Variants in NPAS3 observed in about 807,000 individuals in gnomAD.
The protein encoded by NPAS3 is neuronal PAS domain-containing protein 3.
Under a neutral mutation model 73.1 loss-of-function variants are expected in NPAS3, and 14 were observed. The ratio of observed to expected loss-of-function variants is 0.19; its 90% CI spans 0.13 to 0.30. The LOEUF is 0.30. Ranked by LOEUF, NPAS3 falls within the 10% of genes least tolerant of loss-of-function variation. The pLI is 1.00. For synonymous variants in NPAS3, 620 were observed against 541.5 expected, an observed-to-expected ratio of 1.14 and a Z score of -2.01; for missense variants, 1,096 against 1,250.0, an observed-to-expected ratio of 0.88 and a Z score of 1.86.
chr14:33,328,527 C>T (rs1292449774), intron 3 of NPAS3, among the ~76,000 whole-genome samples: 2 of 116,118 alleles, frequency 1.7e-5, no homozygotes, highest in African/African-American at 3.4e-5. Context: ...AGTGCAGTGG[C>T]GCGATCTTGG....
At chr14:33,021,299 A>G (rs1217837867) in intron 1 of NPAS3, among the ~76,000 whole-genome samples, 1 of 152,208 alleles carries the variant, frequency 6.6e-6, no homozygotes, top group African/African-American at 2.4e-5. Flanking sequence ...GTTTTCCCTG[A>G]ATTAAGAACT....
At chr14:33,151,941 G>A (rs192737476) in intron 2 of NPAS3, among the ~76,000 whole-genome samples, 3 of 152,262 alleles carry the variant, frequency 2.0e-5, no homozygotes, top group Admixed American at 2.0e-4. Context: ...GTGTGTATTG[G>A]ATAGATATAT....
intron 4 of NPAS3, among the ~76,000 whole-genome samples, chr14:33,540,077 G>A (rs773197371): frequency 1.3e-5 from 2 of 152,082 alleles, no homozygotes; most frequent in Non-Finnish European, 1.5e-5. Flanking sequence ...ACAAATAAAC[G>A]ACTCAGCTGT....
chr14:33,101,821 G>A (rs111675015), intron 2 of NPAS3, among the ~76,000 whole-genome samples: 7 of 152,134 alleles, frequency 4.6e-5, no homozygotes, highest in African/African-American at 1.4e-4. Context: ...ACTCACCACG[G>A]CCTCCATTCC....
At position 33,307,407 on chromosome 14, in the gene NPAS3, T is replaced by A. The variant is rs201525481; in HGVS notation, c.386-59779T>A. ...TATATCGTTCTTATTAATAAAATGA[T>A]ACTGTTAGCATTTGCCATTCTGGAC... is the stretch of plus-strand genomic sequence containing the variant. On this transcript the variant is annotated intron_variant, in intron 3 of 11. Coordinates refer to ENST00000356141, the Ensembl canonical transcript of NPAS3. 3.9e-5 allele frequency among the ~76,000 whole-genome samples: 6 copies of A among 152,160 alleles called. No homozygotes were observed. The East Asian group carries it at 1.2e-3, about 29-fold the overall frequency.
chr14:33,372,821 C>A (rs895629816), intron 4 of NPAS3, among the ~76,000 whole-genome samples: 1 of 152,122 alleles, frequency 6.6e-6, no homozygotes, highest in Non-Finnish European at 1.5e-5. Context: ...GGGATTTGTG[C>A]ATTTTGTGGC....
chr14:33,409,746 G>T (rs768978252), intron 4 of NPAS3, among the ~76,000 whole-genome samples: 17 of 152,096 alleles, frequency 1.1e-4, no homozygotes, highest in Non-Finnish European at 2.5e-4. Context: ...ACACAAAAGA[G>T]TAGGCATATT....
At chr14:33,701,889 A>G (rs2060532305) in intron 6 of NPAS3, among the ~76,000 whole-genome samples, 1 of 152,248 alleles carries the variant, frequency 6.6e-6, no homozygotes, top group Non-Finnish European at 1.5e-5. Context: ...TTTGGAGGCT[A>G]CAAAGATGAA....
rs181957249 is a variant in NPAS3 at position 33,735,775 on chromosome 14, A to G, written c.852+443A>G. On this transcript the variant is annotated intron_variant, in intron 7 of 11. Transcript: ENST00000356141. ...TAACATCTTAGCCACCGAGATTTGT[A>G]CACATAGACGAGAAAATCAGTTGGG... is the stretch of plus-strand genomic sequence containing the variant. 5.2e-4 allele frequency among the ~76,000 whole-genome samples: 79 copies of G among 152,210 alleles called. No individual in the cohort carries two copies. In the East Asian group the frequency reaches 0.015, roughly 28 times the overall value.
intron 6 of NPAS3, among the ~76,000 whole-genome samples, chr14:33,695,338 T>C (rs2060347663): frequency 6.6e-6 from 1 of 152,230 alleles, no homozygotes. Flanking sequence ...TGTAGCATTG[T>C]TGTATAACAA....
chr14:32,960,393 A>C (rs985981672), intron 1 of NPAS3, among the ~76,000 whole-genome samples: 1 of 152,192 alleles, frequency 6.6e-6, no homozygotes, highest in Non-Finnish European at 1.5e-5. Flanking sequence ...TTTTAATATA[A>C]AAAGAGTCAT....
At chr14:32,977,047 AACAC>A (rs10628639) in intron 1 of NPAS3, among the ~76,000 whole-genome samples, 1 of 149,306 alleles carries the variant, frequency 6.7e-6, no homozygotes, top group Non-Finnish European at 1.5e-5. Flanking sequence ...TGGTCAAGGT[AACAC>A]ACACACACAC....
chr14:33,451,529 T>C (rs1227953656), intron 4 of NPAS3, among the ~76,000 whole-genome samples: 1 of 152,232 alleles, frequency 6.6e-6, no homozygotes, highest in Non-Finnish European at 1.5e-5. Context: ...TTTTCCTCTC[T>C]CTCGATCATT....
intron 1 of NPAS3, among the ~76,000 whole-genome samples, chr14:33,024,704 C>T (rs1013955794): frequency 5.9e-5 from 9 of 152,132 alleles, no homozygotes; most frequent in African/African-American, 1.7e-4. Flanking sequence ...AATACACACA[C>T]CTAAGACTAT....
chr14:33,204,108 A>T (rs187281502), intron 2 of NPAS3, among the ~76,000 whole-genome samples: 4 of 152,306 alleles, frequency 2.6e-5, no homozygotes, highest in African/African-American at 7.2e-5. Flanking sequence ...TTTTGTCTGC[A>T]TAAATGGGCT....
chr14:33,382,420 G>A lies in NPAS3; in HGVS notation c.468+15152G>A, dbSNP rs368563864. 3.3e-5 allele frequency among the ~76,000 whole-genome samples: 5 copies of A among 152,186 alleles called. No individual in the cohort carries two copies. The East Asian group carries it at 7.7e-4, about 24-fold the overall frequency. On this transcript the variant is annotated intron_variant, in intron 4 of 11. Transcript: ENST00000356141. ...TTATTGTAATTGATAGGTAGGGCTG[G>A]GGGGACAAGTTTTTTTCACTGAGAT...
chr14:33,753,373 A>C (rs1278997610), intron 7 of NPAS3, among the ~76,000 whole-genome samples: 1 of 150,180 alleles, frequency 6.7e-6, no homozygotes, highest in Non-Finnish European at 1.5e-5. Context: ...AAAAAAAAAA[A>C]CGTACACTCC....
intron 3 of NPAS3, among the ~76,000 whole-genome samples, chr14:33,296,839 C>A (rs34049424): frequency 0.22 from 33,596 of 152,072 alleles, 4,496 homozygotes; most frequent in Middle Eastern, 0.34. Context: ...AAACTGGGAG[C>A]TACTTATAGG....
At chr14:33,801,124 T>C, downstream of NPAS3, 1 of 1,564,924 alleles carries the variant, frequency 6.4e-7, no homozygotes. Flanking sequence ...CCGCCCGTCC[T>C]GGGCCCGGCC....
Sources: allele counts gnomAD v4.1 joint callset (sites outside exome capture counted in the v4.1 genomes callset), GRCh38; gene constraint gnomAD v4.1.1; transcripts MANE v1.5; gene names NCBI Gene and HGNC (gene_info 2026-07-23, HGNC 2026-07-21).